The following SOX5 variants were observed in gnomAD, a reference collection of about 807,000 sequenced individuals.
SOX5 encodes the protein transcription factor SOX-5.
SOX5 carries 9 observed loss-of-function variants against 92.0 expected under a neutral mutation model. That is an observed-to-expected ratio of 0.10 (90% CI 0.06 to 0.17). The LOEUF (loss-of-function observed/expected upper bound fraction) is 0.17, where lower values mean the gene tolerates loss of function less well. SOX5 is among the 10% of genes least tolerant of loss of function. The probability of loss-of-function intolerance (pLI) is 1.00; values close to 1 mark genes in which losing one functional copy is unlikely to be tolerated. For synonymous variants in SOX5, 344 were observed against 336.3 expected (o/e 1.02, Z -0.25); for missense variants, 642 against 944.5 (o/e 0.68, Z 4.20).
At chr12:24,309,418 A>G (rs1948950624) in intron 2 of SOX5, among the ~76,000 whole-genome samples, 3 of 152,194 alleles carry the variant, frequency 2.0e-5, no homozygotes, top group Admixed American at 1.3e-4. Context: ...GTAAGCTATT[A>G]TTGTTATTCT....
chr12:23,679,543 A>G (rs1263273914), intron 6 of SOX5, among the ~76,000 whole-genome samples: 1 of 152,220 alleles, frequency 6.6e-6, no homozygotes, highest in Non-Finnish European at 1.5e-5. Flanking sequence ...ATAAAATGCT[A>G]ATAAAAATAA....
chr12:24,081,298 T>C (rs1398029910), intron 4 of SOX5, among the ~76,000 whole-genome samples: 2 of 152,026 alleles, frequency 1.3e-5, no homozygotes, highest in African/African-American at 4.8e-5. Flanking sequence ...AAGACTGTTT[T>C]TTATTAAATA....
intron 2 of SOX5, among the ~76,000 whole-genome samples, chr12:23,854,047 CTAAA>C (rs1373399576): frequency 5.9e-5 from 9 of 151,968 alleles, no homozygotes; most frequent in Admixed American, 5.3e-4. Context: ...GTAAACTTGA[CTAAA>C]TATCTATTCA....
chr12:23,786,423 C>A (rs1379475530), intron 3 of SOX5, among the ~76,000 whole-genome samples: 2 of 151,346 alleles, frequency 1.3e-5, no homozygotes, highest in African/African-American at 4.8e-5. Flanking sequence ...TAAGAAAATC[C>A]TGGGAAAATA....
chr12:23,763,126 C>A (rs1010247062), intron 3 of SOX5, among the ~76,000 whole-genome samples: 2 of 152,180 alleles, frequency 1.3e-5, no homozygotes, highest in Non-Finnish European at 2.9e-5. Flanking sequence ...AACCTGACTC[C>A]ATCACTTATT....
At chr12:23,770,591 C>T (rs1201286835) in intron 3 of SOX5, among the ~76,000 whole-genome samples, 1 of 151,698 alleles carries the variant, frequency 6.6e-6, no homozygotes, top group Non-Finnish European at 1.5e-5. Context: ...GGAACTTATA[C>T]ACATTTTGTG....
chr12:24,307,416 A>C (rs1224548255), intron 2 of SOX5, among the ~76,000 whole-genome samples: 6 of 151,602 alleles, frequency 4.0e-5, no homozygotes, highest in African/African-American at 1.5e-4. Context: ...TCTGGCAGAG[A>C]CAGTGTCTTT....
intron 6 of SOX5, among the ~76,000 whole-genome samples, chr12:23,674,632 C>T (rs2085370541): frequency 6.6e-6 from 1 of 151,718 alleles, no homozygotes; most frequent in African/African-American, 2.4e-5. Context: ...GCCACCGCAC[C>T]CAGCCAAAAA....
At chr12:24,256,271 T>G (rs1941143588) in intron 3 of SOX5, among the ~76,000 whole-genome samples, 1 of 152,242 alleles carries the variant, frequency 6.6e-6, no homozygotes, top group Non-Finnish European at 1.5e-5. Flanking sequence ...ATGCAAAGAT[T>G]GAAGTGTTAG....
chr12:23,886,936 T>G (rs2097074530), intron 2 of SOX5, among the ~76,000 whole-genome samples: 1 of 152,140 alleles, frequency 6.6e-6, no homozygotes, highest in South Asian at 2.1e-4. Flanking sequence ...AATACAGGGT[T>G]TCAAGTGTTG....
rs115574787 is a variant in SOX5 at position 23,582,154 on chromosome 12, C to T, written c.1165-6316G>A. Reference sequence around the variant, plus strand: ...TGAATTGCATAATGTGCACTGTTGCCGCACCTCTTCCCTAGCTTGTGTGCA... The same window carrying T: ...TGAATTGCATAATGTGCACTGTTGCTGCACCTCTTCCCTAGCTTGTGTGCA... On this transcript the variant is annotated intron_variant, in intron 9 of 14. Transcript: ENST00000451604. The T allele has an allele frequency of 4.1e-4, 405 of 985,154 alleles. 3 individuals carry two copies. In the African/African-American group the frequency reaches 6.6e-3, roughly 16 times the overall value. The allele number at this position is 985,154 out of a possible 1,614,324, so 61.0% of individuals were successfully genotyped here. A position where few individuals can be genotyped will look rare whatever the true frequency, so the allele number is the denominator to read the frequency against.
chr12:24,189,283 C>T (rs967975108), intron 4 of SOX5, among the ~76,000 whole-genome samples: 5 of 152,250 alleles, frequency 3.3e-5, no homozygotes, highest in African/African-American at 4.8e-5. Flanking sequence ...GGGATCCATC[C>T]GTATTAAATA....
At chr12:24,151,702 A>T (rs1030085495) in intron 4 of SOX5, among the ~76,000 whole-genome samples, 5 of 152,132 alleles carry the variant, frequency 3.3e-5, no homozygotes, top group Non-Finnish European at 7.4e-5. Flanking sequence ...AATGAACACA[A>T]TATACTCTGC....
chr12:23,773,095 T>C (rs1455976509), intron 3 of SOX5, among the ~76,000 whole-genome samples: 1 of 152,202 alleles, frequency 6.6e-6, no homozygotes, highest in Non-Finnish European at 1.5e-5. Flanking sequence ...TTGAGTTTGA[T>C]ATAAATACTT....
chr12:24,346,448 G>T (rs1296834313), intron 2 of SOX5, among the ~76,000 whole-genome samples: 1 of 150,058 alleles, frequency 6.7e-6, no homozygotes, highest in African/African-American at 2.4e-5. Flanking sequence ...TTTATTTTTG[G>T]AGTACTTTTT....
At chr12:24,111,118 A>G (rs1438887383) in intron 4 of SOX5, among the ~76,000 whole-genome samples, 2 of 151,990 alleles carry the variant, frequency 1.3e-5, no homozygotes, top group Non-Finnish European at 2.9e-5. Context: ...GCATCCCCCA[A>G]CTGGGAAAAG....
chr12:23,983,748 G>A (rs866957991), intron 4 of SOX5, among the ~76,000 whole-genome samples: 1 of 151,742 alleles, frequency 6.6e-6, no homozygotes, highest in South Asian at 2.1e-4. Flanking sequence ...TTTTGTGGAC[G>A]GAGAACTTAC....
intron 1 of SOX5, among the ~76,000 whole-genome samples, chr12:24,463,249 A>C (rs540470847): frequency 1.3e-5 from 2 of 152,264 alleles, no homozygotes; most frequent in South Asian, 4.1e-4. Context: ...TTCCCTTTAA[A>C]ATTTTTGCCC....
chr12:23,700,336 A>C (rs2090452770), intron 6 of SOX5, among the ~76,000 whole-genome samples: 1 of 152,158 alleles, frequency 6.6e-6, no homozygotes, highest in Non-Finnish European at 1.5e-5. Flanking sequence ...AGGGTAGCCC[A>C]GCTTTTGTGT....
Sources: allele counts gnomAD v4.1 joint callset (sites outside exome capture counted in the v4.1 genomes callset), GRCh38; gene constraint gnomAD v4.1.1; transcripts MANE v1.5; gene names NCBI Gene and HGNC (gene_info 2026-07-23, HGNC 2026-07-21).